CHSY3: variants seen among roughly 807,000 people sequenced by gnomAD.
CHSY3 encodes N-acetylgalactosaminyl-proteoglycan 3-beta-glucuronosyltransferase 3.
Under a neutral mutation model 67.2 loss-of-function variants are expected in CHSY3, and 35 were observed. The ratio of observed to expected loss-of-function variants is 0.52; its 90% CI spans 0.40 to 0.69. The LOEUF (loss-of-function observed/expected upper bound fraction) is 0.69. CHSY3 is among the 30% of genes least tolerant of loss of function. The pLI, the probability that CHSY3 is intolerant of heterozygous loss-of-function variation, is 0.00. For synonymous variants in CHSY3, 474 were observed against 434.7 expected, an observed-to-expected ratio of 1.09 and a Z score of -1.12; for missense variants, 1,069 against 1,138.5, an observed-to-expected ratio of 0.94 and a Z score of 0.88.
At chr5:129,938,424 GT>G (rs1295232758) in intron 2 of CHSY3, among the ~76,000 whole-genome samples, 1 of 152,208 alleles carries the variant, frequency 6.6e-6, no homozygotes, top group African/African-American at 2.4e-5. Context: ...CAGAAAATGA[GT>G]TTTTCTTTTG....
intron 2 of CHSY3, among the ~76,000 whole-genome samples, chr5:129,989,481 T>C (rs1763299034): frequency 1.3e-5 from 2 of 151,996 alleles, no homozygotes; most frequent in Non-Finnish European, 1.5e-5. Flanking sequence ...ACTCCCATGG[T>C]TTTGTTTTTA....
chr5:130,024,654 C>T (rs180852592), intron 2 of CHSY3, among the ~76,000 whole-genome samples: 30 of 152,106 alleles, frequency 2.0e-4, no homozygotes, highest in African/African-American at 6.5e-4. Flanking sequence ...TTTTCTTCTG[C>T]GTGCTTAGAG....
chr5:129,932,444 T>G (rs1405761186), intron 2 of CHSY3, among the ~76,000 whole-genome samples: 1 of 152,120 alleles, frequency 6.6e-6, no homozygotes, highest in Non-Finnish European at 1.5e-5. Flanking sequence ...TAATTATGTC[T>G]TTGAAAATAC....
intron 2 of CHSY3, among the ~76,000 whole-genome samples, chr5:130,040,329 T>G (rs1764974143): frequency 1.3e-5 from 2 of 152,276 alleles, no homozygotes; most frequent in South Asian, 4.1e-4. Context: ...TGTCCAGCCG[T>G]GAGCTTCCAG....
intron 2 of CHSY3, among the ~76,000 whole-genome samples, chr5:130,142,862 G>T (rs1003498495): frequency 4.6e-5 from 7 of 152,148 alleles, no homozygotes; most frequent in Non-Finnish European, 1.0e-4. Context: ...CCATATGGGT[G>T]ATCTTGAAGA....
intron 2 of CHSY3, among the ~76,000 whole-genome samples, chr5:130,081,640 G>A (rs1349773911): frequency 1.3e-5 from 2 of 151,964 alleles, no homozygotes; most frequent in Non-Finnish European, 2.9e-5. Context: ...AGGTTTTCCT[G>A]TGCTGTTCTC....
intron 2 of CHSY3, among the ~76,000 whole-genome samples, chr5:130,015,733 T>C (rs1290693753): frequency 6.6e-6 from 1 of 152,206 alleles, no homozygotes; most frequent in Non-Finnish European, 1.5e-5. Context: ...CATTACTGGG[T>C]ATATACCCAA....
chr5:130,121,825 A>C (rs563922272), intron 2 of CHSY3, among the ~76,000 whole-genome samples: 1 of 152,182 alleles, frequency 6.6e-6, no homozygotes, highest in African/African-American at 2.4e-5. Flanking sequence ...CAGAAATAGG[A>C]AAGTGAGGCT....
chr5:130,044,791 G>T (rs754579910), intron 2 of CHSY3, among the ~76,000 whole-genome samples: 1 of 152,052 alleles, frequency 6.6e-6, no homozygotes, highest in Non-Finnish European at 1.5e-5. Context: ...TACTGGAGGC[G>T]ACAAAGTCAA....
intron 2 of CHSY3, among the ~76,000 whole-genome samples, chr5:130,086,877 A>G (rs1377604332): frequency 2.6e-5 from 4 of 152,088 alleles, no homozygotes; most frequent in Admixed American, 6.6e-5. Flanking sequence ...TGAGGCCAGC[A>G]TCATCCTGAT....
chr5:129,934,802 G>A (rs1302580399), intron 2 of CHSY3, among the ~76,000 whole-genome samples: 2 of 152,184 alleles, frequency 1.3e-5, no homozygotes, highest in East Asian at 1.9e-4. Context: ...AAAGAGAAGG[G>A]AAGCAATGAG....
intron 2 of CHSY3, among the ~76,000 whole-genome samples, chr5:130,161,410 A>AT (rs776185224): frequency 9.9e-5 from 15 of 152,192 alleles, no homozygotes; most frequent in East Asian, 5.8e-4. Context: ...TCTTTTCAAG[A>AT]TTTTTTTACC....
intron 2 of CHSY3, among the ~76,000 whole-genome samples, chr5:130,017,279 A>G (rs1254972938): frequency 6.6e-6 from 1 of 151,966 alleles, no homozygotes; most frequent in Admixed American, 6.6e-5. Flanking sequence ...AGTCTCAGAT[A>G]TTCTAGAGTT....
intron 2 of CHSY3, among the ~76,000 whole-genome samples, chr5:130,103,750 C>T (rs1580736194): frequency 6.6e-6 from 1 of 152,068 alleles, no homozygotes; most frequent in African/African-American, 2.4e-5. Flanking sequence ...TATAAGTTTA[C>T]CTGAGAGCCT....
intron 2 of CHSY3, among the ~76,000 whole-genome samples, chr5:129,985,873 G>C (rs1170489786): frequency 6.6e-6 from 1 of 152,042 alleles, no homozygotes; most frequent in African/African-American, 2.4e-5. Flanking sequence ...CATTGATTTT[G>C]TATCTTGAAA....
intron 2 of CHSY3, among the ~76,000 whole-genome samples, chr5:129,995,348 G>A (rs10051362): frequency 0.5 from 75,134 of 151,634 alleles, 19,697 homozygotes; most frequent in Non-Finnish European, 0.59. Context: ...TTGGATAGAT[G>A]TATTGCAGAT....
intron 2 of CHSY3, among the ~76,000 whole-genome samples, chr5:130,170,130 C>T (rs1245146305): frequency 6.6e-6 from 1 of 151,974 alleles, no homozygotes; most frequent in Non-Finnish European, 1.5e-5. Context: ...ACCCTTGCCC[C>T]CTTTCCACCT....
chr5:130,019,613 C>T (rs1662065243), intron 2 of CHSY3, among the ~76,000 whole-genome samples: 1 of 152,164 alleles, frequency 6.6e-6, no homozygotes, highest in Non-Finnish European at 1.5e-5. Context: ...GGTTTTTAAG[C>T]AGGCTTACCC....
intron 2 of CHSY3, among the ~76,000 whole-genome samples, chr5:130,090,613 C>A (rs935667571): frequency 1.3e-5 from 2 of 152,196 alleles, no homozygotes; most frequent in Non-Finnish European, 2.9e-5. Flanking sequence ...ACACCAATCC[C>A]TGCATTCTCC....
Sources: gnomAD v4.1 joint callset for allele counts (sites outside exome capture counted in the v4.1 genomes callset) on GRCh38, gnomAD v4.1.1 for gene constraint, MANE v1.5 for transcripts, NCBI Gene and HGNC (gene_info 2026-07-23, HGNC 2026-07-21) for gene names.